PTPN13: variants seen among roughly 807,000 people sequenced by gnomAD.
The protein encoded by PTPN13 is tyrosine-protein phosphatase non-receptor type 13.
PTPN13 carries 191 observed loss-of-function variants against 284.0 expected under a neutral mutation model. The observed-to-expected ratio is 0.67, with a 90% CI of 0.60 to 0.76. PTPN13 has a LOEUF of 0.76. PTPN13 is among the 30% of genes least tolerant of loss of function. The pLI is 0.00. For missense variants in PTPN13, 2,797 were observed against 2,939.9 expected (o/e 0.95, Z 1.12); for synonymous variants, 986 against 1,022.3 (o/e 0.96, Z 0.68).
At chr4:86,750,354 C>A in intron 17 of PTPN13, 116 bp from the exon 18 acceptor site, 1 of 961,408 alleles carries the variant, frequency 1.0e-6, no homozygotes, top group Non-Finnish European at 1.6e-6. Context: ...AAGCTACCTA[C>A]TTATGCTGGC....
rs1360953032 is a variant in PTPN13, at chr4:86,686,265, G to A, written c.295-445G>A. On this transcript the variant is annotated intron_variant, in intron 3 of 47. Transcript: ENST00000411767. The stretch of plus-strand genomic sequence containing the variant: ...TAACCCCAGCTACTGGGGAGGCTGA[G>A]CCAGGAGAATTGCCGGGGGATGGAG... Among the ~76,000 whole-genome samples the A allele has an allele frequency of 2.0e-5, 3 of 152,068 alleles. No homozygotes were observed. In the East Asian group the frequency reaches 5.8e-4, roughly 29 times the overall value.
At chr4:86,625,428 T>C (rs1197490141) in intron 1 of PTPN13, among the ~76,000 whole-genome samples, 1 of 152,154 alleles carries the variant, frequency 6.6e-6, no homozygotes, top group Non-Finnish European at 1.5e-5. Flanking sequence ...AAATCTTCCT[T>C]TCTGGTCTAA....
chr4:86,783,011 A>G (rs1420546476), intron 37 of PTPN13, among the ~76,000 whole-genome samples: 2 of 152,218 alleles, frequency 1.3e-5, no homozygotes, highest in African/African-American at 2.4e-5. Flanking sequence ...CTGAACTTCA[A>G]TATGGAATGG....
At chr4:86,761,292 C>T (rs183567374) in intron 23 of PTPN13, among the ~76,000 whole-genome samples, 1 of 151,594 alleles carries the variant, frequency 6.6e-6, no homozygotes, top group East Asian at 1.9e-4. Context: ...TTTAATGCAA[C>T]ATTATATTTA....
chr4:86,646,234 A>T (rs1578326809), intron 2 of PTPN13, among the ~76,000 whole-genome samples: 1 of 152,030 alleles, frequency 6.6e-6, no homozygotes, highest in African/African-American at 2.4e-5. Context: ...CACTCTTCTA[A>T]ACATATTATT....
At chr4:86,747,533 T>TAGCAGCAGCAGCAGCGGCAGCAGC (rs1554332560) in intron 17 of PTPN13, among the ~76,000 whole-genome samples, 17 of 151,542 alleles carry the variant, frequency 1.1e-4, no homozygotes, top group African/African-American at 2.2e-4. Flanking sequence ...GCGGTAATAG[T>TAGCAGCAGCAGCAGCGGCAGCAGC]AGCAGCAGCA....
At chr4:86,620,883 G>T (rs1435366596) in intron 1 of PTPN13, among the ~76,000 whole-genome samples, 2 of 152,142 alleles carry the variant, frequency 1.3e-5, no homozygotes, top group Non-Finnish European at 2.9e-5. Context: ...TATTCCTGCT[G>T]TTTCCCTCTT....
chr4:86,797,067 A>T, intron 41 of PTPN13, 138 bp downstream of exon 41: 4 of 664,766 alleles, frequency 6.0e-6, no homozygotes, highest in Non-Finnish European at 9.6e-6. Flanking sequence ...AAGAATTTTT[A>T]AAATTTTCGG....
At chr4:86,766,389 C>T in intron 26 of PTPN13, 43 bp from the exon 27 acceptor site, 2 of 1,438,232 alleles carry the variant, frequency 1.4e-6, no homozygotes, top group Non-Finnish European at 1.9e-6. Context: ...TTTAAAAGAA[C>T]ATGTAGGATT....
intron 1 of PTPN13, among the ~76,000 whole-genome samples, chr4:86,600,093 GT>G (rs1171012897): frequency 6.6e-6 from 1 of 152,012 alleles, no homozygotes; most frequent in African/African-American, 2.4e-5. Flanking sequence ...TGTTTTATTA[GT>G]TTTAACATGA....
rs757414620 is a variant in PTPN13, at chr4:86,751,068, G to C, written c.3110G>C (p.Arg1037Thr). Reference protein sequence around the residue: ...VASLNRSPERRKHESDSSSIE... With the variant: ...VASLNRSPERTKHESDSSSIE... ...AGTTTAAATAGAAGTCCTGAAAGGAGGAAACATGAATCAGACTCCTCATCC... is the reference window on the plus strand; with the variant it reads ...AGTTTAAATAGAAGTCCTGAAAGGACGAAACATGAATCAGACTCCTCATCC... The change falls in exon 19 of 48, where the codon AGG becomes ACG. Residue 1037 changes from arginine (R) to threonine (T), a missense_variant. Physicochemically the swap from Arg to Thr is moderately conservative, Grantham distance 71. Coordinates refer to ENST00000411767, the MANE Select transcript of PTPN13 (RefSeq NM_080683.3). The C allele has an allele frequency of 1.9e-6, 3 of 1,610,716 alleles. No individual in the cohort carries two copies. The highest frequency in any genetic ancestry group is 2.5e-6 in the Non-Finnish European group (3 of 1,177,260).
chr4:86,758,625 T>C (rs1319570447), intron 21 of PTPN13, 53 bp from the exon 22 acceptor site: 2 of 1,438,114 alleles, frequency 1.4e-6, no homozygotes, highest in Non-Finnish European at 2.0e-6. Context: ...GGCTAATCAT[T>C]AGTCTTTGAA....
intron 23 of PTPN13, among the ~76,000 whole-genome samples, chr4:86,761,312 CAT>C (rs1236523549): frequency 6.6e-6 from 1 of 151,672 alleles, no homozygotes; most frequent in East Asian, 1.9e-4. Flanking sequence ...ATGTTATAGA[CAT>C]ATCAAAACTT....
At chr4:86,814,260 C>T (rs1452031476) in intron 47 of PTPN13, among the ~76,000 whole-genome samples, 196 bp from the exon 48 acceptor site, 1 of 151,760 alleles carries the variant, frequency 6.6e-6, no homozygotes, top group Non-Finnish European at 1.5e-5. Context: ...CCGCCTCAGC[C>T]TCCTCAAGTG....
At chr4:86,731,183 A>G (rs1019726049) in intron 10 of PTPN13, among the ~76,000 whole-genome samples, 3 of 152,178 alleles carry the variant, frequency 2.0e-5, no homozygotes, top group African/African-American at 7.2e-5. Context: ...GCACACACCT[A>G]CACATACACA....
chr4:86,811,059 A>G lies in PTPN13; in HGVS notation c.7313A>G (p.Asp2438Gly). The change falls in exon 47 of 48, where the codon GAT becomes GGT. Residue 2438 changes from aspartate (D) to glycine (G), a missense_variant. Physicochemically the swap from Asp to Gly is moderately conservative, Grantham distance 94. Transcript: ENST00000411767. ...ISQDLDFDIS[D>G]LVRCMRLQRH... The stretch of plus-strand genomic sequence containing the variant: ...TTCCTCTGACAGTTTGACATCTCTG[A>G]TTTGGTGCGCTGCATGAGACTACAA... 6.2e-7 allele frequency: 1 copy of G among 1,613,508 alleles called. No individual in the cohort carries two copies.
chr4:86,808,642 T>G (rs996203960), intron 45 of PTPN13, among the ~76,000 whole-genome samples: 1 of 152,230 alleles, frequency 6.6e-6, no homozygotes, highest in Non-Finnish European at 1.5e-5. Flanking sequence ...TTCATGATTT[T>G]TTATTGATTT....
Position 86,791,702 on chromosome 4 carries a change from A to T in PTPN13, c.6346-5172A>T, listed in dbSNP as rs111833920. ...TGCTGTTCTGCAGCCTCCGCTGGTGATACCCAGGCAAACAGGGTCTGGAGT... is the reference window on the plus strand; with the variant it reads ...TGCTGTTCTGCAGCCTCCGCTGGTGTTACCCAGGCAAACAGGGTCTGGAGT... On this transcript the variant is annotated intron_variant, in intron 40 of 47. Transcript: ENST00000411767. Among the ~76,000 whole-genome samples the T allele has an allele frequency of 1.3e-3, 195 of 152,302 alleles. 2 individuals are homozygous for T. The highest frequency in any genetic ancestry group is 4.5e-3 in the African/African-American group (185 of 41,564).
chr4:86,615,855 C>G (rs1720489382), intron 1 of PTPN13, among the ~76,000 whole-genome samples: 1 of 152,176 alleles, frequency 6.6e-6, no homozygotes. Flanking sequence ...ATCTCCTACT[C>G]TCTTCCCCAA....
Sources: gnomAD v4.1 joint callset for allele counts (sites outside exome capture counted in the v4.1 genomes callset) on GRCh38, gnomAD v4.1.1 for gene constraint, MANE v1.5 for transcripts, NCBI Gene and HGNC (gene_info 2026-07-23, HGNC 2026-07-21) for gene names.